GANAB: variants seen among roughly 807,000 people sequenced by gnomAD.
The protein encoded by GANAB is neutral alpha-glucosidase AB.
GANAB carries 35 observed loss-of-function variants against 129.9 expected under a neutral mutation model. The ratio of observed to expected loss-of-function variants is 0.27; its 90% CI spans 0.21 to 0.36. GANAB has a LOEUF of 0.36. GANAB is among the 10% of genes least tolerant of loss of function. The pLI is 1.00. For missense variants in GANAB, 939 were observed against 1,221.0 expected, an observed-to-expected ratio of 0.77 and a Z score of 3.44; for synonymous variants, 482 against 451.8, an observed-to-expected ratio of 1.07 and a Z score of -0.85.
chr11:62,635,216 C>G (rs577911993), intron 4 of GANAB, among the ~76,000 whole-genome samples: 1 of 151,300 alleles, frequency 6.6e-6, no homozygotes, highest in African/African-American at 2.4e-5. Context: ...CGGAGTTTCA[C>G]TCTTGTTGCC....
At chr11:62,626,496 G>C in intron 21 of GANAB, 49 bp from the exon 22 acceptor site, 1 of 1,510,738 alleles carries the variant, frequency 6.6e-7, no homozygotes, top group South Asian at 1.1e-5. Context: ...GAGGGAGTGA[G>C]GGGCACAACC....
chr11:62,632,857 C>A, intron 8 of GANAB, 112 bp from the exon 9 acceptor site: 2 of 1,063,196 alleles, frequency 1.9e-6, no homozygotes, highest in Non-Finnish European at 2.9e-6. Flanking sequence ...CTTGTCCTTT[C>A]TCAAAAAATT....
In GANAB at chr11:62,646,583, G is replaced by T. The variant is rs569485453; in HGVS notation, c.17C>A (p.Ala6Glu). The T allele has an allele frequency of 1.9e-6, 3 of 1,613,848 alleles. No homozygotes were observed. The South Asian group carries it at 3.3e-5, about 18-fold the overall frequency. MAAVA[A>E]VAARRRRSWA... ...TCACCGCCTCCTACGCGCCGCCACTGCCGCTACCGCCGCCATCTTGTGCAG... is the reference window on the plus strand; with the variant it reads ...TCACCGCCTCCTACGCGCCGCCACTTCCGCTACCGCCGCCATCTTGTGCAG... Residue 6 changes from alanine to glutamate, a missense_variant, in exon 1 of 24, where the codon GCA (alanine) becomes GAA (glutamate). Ala to Glu is a moderately radical substitution (Grantham distance 107, BLOSUM62 -1). This residue lies in a region of GANAB where 321 missense variants were observed against 329.1 expected (regional missense o/e 0.98). Coordinates refer to ENST00000356638, the MANE Select transcript of GANAB (RefSeq NM_198334.3).
intron 1 of GANAB, among the ~76,000 whole-genome samples, chr11:62,645,883 T>C (rs751990005): frequency 6.6e-6 from 1 of 152,196 alleles, no homozygotes; most frequent in Non-Finnish European, 1.5e-5. Context: ...TAGTAAACAT[T>C]TGTGGCACTG....
At chr11:62,641,238 G>C (rs1306679079) in intron 1 of GANAB, among the ~76,000 whole-genome samples, 1 of 151,256 alleles carries the variant, frequency 6.6e-6, no homozygotes, top group African/African-American at 2.4e-5. Flanking sequence ...CAGCTACTCG[G>C]GAGGCTGAGG....
rs757842098 is a variant in GANAB at position 62,639,492 on chromosome 11, A to C, written c.144-25T>G. ...CCTGCCAAGTGAAGGGTTGGGAAGT[A>C]AGGTAAAGGCCACCTGCAATGTCCC... On this transcript the variant is annotated intron_variant, in intron 2 of 23. Transcript: ENST00000356638. 9 of 1,572,938 alleles carry C rather than the reference A, an allele frequency of 5.7e-6. No homozygotes were observed. The South Asian group carries it at 1.0e-4, about 17-fold the overall frequency.
At chr11:62,628,248 CCTCT>C (rs1375355963) in intron 17 of GANAB, among the ~76,000 whole-genome samples, 9 of 79,156 alleles carry the variant, frequency 1.1e-4, no homozygotes, top group Non-Finnish European at 2.0e-4. Flanking sequence ...ATGGAGTCTC[CCTCT>C]GTCACCCAGG....
At chr11:62,629,499 C>T in intron 15 of GANAB, 89 bp downstream of exon 15, 1 of 917,286 alleles carries the variant, frequency 1.1e-6, no homozygotes, top group Non-Finnish European at 1.7e-6. Flanking sequence ...TGTGTGGCTC[C>T]CATTCCTCAG....
intron 16 of GANAB, 65 bp from the exon 17 acceptor site, chr11:62,629,077 C>T: frequency 1.9e-6 from 3 of 1,584,518 alleles, no homozygotes; most frequent in South Asian, 1.1e-5. Flanking sequence ...GCTTGAGAAA[C>T]TTCCCAAGGC....
intron 4 of GANAB, among the ~76,000 whole-genome samples, chr11:62,635,596 G>A (rs1943908245): frequency 6.6e-6 from 1 of 150,668 alleles, no homozygotes; most frequent in African/African-American, 2.4e-5. Flanking sequence ...GAAAAAAAAT[G>A]ATTTTCCAAA....
In GANAB at chr11:62,629,463, G is replaced by A. The variant is rs567422956; in HGVS notation, c.1834+125C>T. The A allele has an allele frequency of 4.3e-3, 3,449 of 802,000 alleles. 16 individuals carry two copies. The highest frequency in any genetic ancestry group is 5.4e-3 in the Non-Finnish European group (2,571 of 480,506). 49.7% of individuals were successfully genotyped at this position (802,000 alleles called of 1,614,324 possible). On this transcript the variant is annotated intron_variant, in intron 15 of 23. Transcript: ENST00000356638. Reference sequence around the variant, plus strand: ...CCCACACCCTGACTTCCTTCAAAGCGCATAGCTGAGAGGAAACAGATGCAG... The same window carrying A: ...CCCACACCCTGACTTCCTTCAAAGCACATAGCTGAGAGGAAACAGATGCAG...
Position 62,646,592 on chromosome 11 carries a change from G to A in GANAB, c.8C>T (p.Ala3Val), listed in dbSNP as rs760951400. The A allele has an allele frequency of 6.2e-6, 10 of 1,613,842 alleles. No homozygotes were observed. The East Asian group carries it at 2.2e-4, about 36-fold the overall frequency. ...CCTACGCGCCGCCACTGCCGCTACC[G>A]CCGCCATCTTGTGCAGAGTTTGCTC... The part of the protein sequence containing the change: MA[A>V]VAAVAARRRR... Residue 3 changes from alanine to valine, a missense_variant, in exon 1 of 24, where the codon GCG becomes GTG. By Grantham distance (64) the Ala-to-Val change is moderately conservative. This residue lies in a region of GANAB where 321 missense variants were observed against 329.1 expected (regional missense o/e 0.98). Coordinates refer to ENST00000356638, the MANE Select transcript of GANAB (RefSeq NM_198334.3).
At chr11:62,630,572 G>C in intron 11 of GANAB, 29 bp downstream of exon 11, 1 of 1,612,084 alleles carries the variant, frequency 6.2e-7, no homozygotes, top group East Asian at 2.2e-5. Flanking sequence ...CCTACCCTGA[G>C]AAGACCAAGC....
At chr11:62,625,991 C>T in intron 23 of GANAB, 67 bp from the exon 24 acceptor site, 1 of 1,456,074 alleles carries the variant, frequency 6.9e-7, no homozygotes, top group Non-Finnish European at 9.7e-7. Flanking sequence ...AACGTTCCTA[C>T]AGGCAAGGGC....
At position 62,626,053 on chromosome 11, in the gene GANAB, T is replaced by A; in HGVS notation, c.2725+12A>T. 2 of 1,592,224 alleles carry A rather than the reference T, an allele frequency of 1.3e-6. No homozygotes were observed. The highest frequency in any genetic ancestry group is 1.7e-6 in the Non-Finnish European group (2 of 1,159,896). On this transcript the variant is annotated intron_variant, in intron 23 of 23. Coordinates refer to ENST00000356638, the MANE Select transcript of GANAB (RefSeq NM_198334.3). ...TCCTTCCCCCATCCTAGGGGCCAGA[T>A]TGGTCACTCACCTTTTGTCTGGAGT...
At chr11:62,634,177 C>T (rs1016430381) in intron 5 of GANAB, 1 of 662,272 alleles carries the variant, frequency 1.5e-6, no homozygotes, top group Non-Finnish European at 2.8e-6. Flanking sequence ...GTAACAGGAC[C>T]AGACATCACA....
In GANAB at chr11:62,632,989, T is replaced by C; in HGVS notation, c.815+16A>G. 6.8e-7 allele frequency: 1 copy of C among 1,472,882 alleles called. No individual in the cohort carries two copies. Among genetic ancestry groups the C allele is most frequent in the Non-Finnish European group, 9.5e-7 (1 of 1,051,618 alleles). 91.2% of individuals were successfully genotyped at this position (1,472,882 alleles called of 1,614,324 possible). A position where few individuals can be genotyped will look rare whatever the true frequency, so the allele number is the denominator to read the frequency against. On this transcript the variant is annotated intron_variant, in intron 8 of 23. Transcript: ENST00000356638. ...CCTGCCCACCTCCATCTTCCTGATG[T>C]CACCATAGGACTCACTCAGTGACCT...
Position 62,625,061 on chromosome 11 carries a change from A to G in GANAB, c.*754T>C. On this transcript the variant is annotated 3_prime_UTR_variant, in exon 24 of 24. Coordinates refer to ENST00000356638, the MANE Select transcript of GANAB (RefSeq NM_198334.3). ...CCATGATTCACTGAAACCACAACTG[A>G]TTTCTCCATCTTAAGTGCCCCTCAA... 1 of 358,248 alleles carries G rather than the reference A, an allele frequency of 2.8e-6. No individual in the cohort carries two copies. Among genetic ancestry groups the G allele is most frequent in the Non-Finnish European group, 5.4e-6 (1 of 184,888 alleles). The allele number at this position is 358,248 out of a possible 1,614,324, so 22.2% of individuals were successfully genotyped here.
chr11:62,630,386 G>A lies in GANAB; in HGVS notation c.1506C>T (p.Cys502=), dbSNP rs1943610751. 1 of 1,614,156 alleles carries A rather than the reference G, an allele frequency of 6.2e-7. No individual in the cohort carries two copies. The change falls in exon 12 of 24, where the codon TGC becomes TGT. Residue 502 remains cysteine (C), a synonymous_variant. Transcript: ENST00000356638. Reference sequence around the variant, plus strand: ...AATTCTGGGTCTGCTTACCTGGCCAGCACCAGCCCTCATAGTCAGAGCCAT... The same window carrying A: ...AATTCTGGGTCTGCTTACCTGGCCAACACCAGCCCTCATAGTCAGAGCCAT... ...TRDGSDYEGW[C]WPGSAGYPDF...
Sources: allele counts gnomAD v4.1 joint callset (sites outside exome capture counted in the v4.1 genomes callset), GRCh38; gene constraint gnomAD v4.1.1; regional missense constraint gnomAD v4.1.1; transcripts MANE v1.5; gene names NCBI Gene and HGNC (gene_info 2026-07-23, HGNC 2026-07-21).